Variants in ATG16L2 observed in about 807,000 individuals in gnomAD.
ATG16L2 encodes the protein protein Atg16l2.
In ATG16L2, 77 loss-of-function variants were observed where a neutral mutation model predicts 84.7. The observed-to-expected ratio is 0.91, with a 90% CI of 0.76 to 1.10. The LOEUF is 1.10. Ranked by LOEUF, ATG16L2 falls within the 50% of genes least tolerant of loss-of-function variation. The probability of loss-of-function intolerance (pLI) is 0.00; values close to 1 mark genes in which losing one functional copy is unlikely to be tolerated. For missense variants in ATG16L2, 782 were observed against 817.6 expected, an observed-to-expected ratio of 0.96 and a Z score of 0.53; for synonymous variants, 361 against 342.8, an observed-to-expected ratio of 1.05 and a Z score of -0.59.
Position 72,826,832 on chromosome 11 carries a change from G to GAGCCCC in ATG16L2, c.1366+17_1366+22dup, listed in dbSNP as rs1860391037. The GAGCCCC allele has an allele frequency of 6.2e-7, 1 of 1,611,894 alleles. No homozygotes were observed. The highest frequency in any genetic ancestry group is 8.5e-7 in the Non-Finnish European group (1 of 1,179,358). ...CCTCGGCCGTGCCTATTGTGAGCCC[G>GAGCCCC]AGCCCCAGCCCCACCTCTCCTCCCC... On this transcript the variant is annotated intron_variant, in intron 13 of 17. Coordinates refer to ENST00000321297, the MANE Select transcript of ATG16L2 (RefSeq NM_033388.2).
In ATG16L2 at chr11:72,828,282, G is replaced by A. The variant is rs146056807; in HGVS notation, c.1473-77G>A. On this transcript the variant is annotated intron_variant, in intron 14 of 17. Coordinates refer to ENST00000321297, the MANE Select transcript of ATG16L2 (RefSeq NM_033388.2). ...CCGGACTTGGTTAGCTAGGAAGGCT[G>A]CTGCGCCTGGCCCCTTCCTGTCAGG... The A allele has an allele frequency of 3.8e-4, 592 of 1,550,478 alleles. 5 individuals are homozygous for A. In the East Asian group the frequency reaches 0.011, roughly 29 times the overall value.
chr11:72,829,982 G>A (rs1318535249), downstream of ATG16L2, among the ~76,000 whole-genome samples: 6 of 152,148 alleles, frequency 3.9e-5, no homozygotes, highest in African/African-American at 1.4e-4. Flanking sequence ...GAGGGGTCCC[G>A]GTGGGAAGAT....
chr11:72,814,856 T>C (rs1859613328), intron 1 of ATG16L2, among the ~76,000 whole-genome samples: 1 of 152,220 alleles, frequency 6.6e-6, no homozygotes, highest in Non-Finnish European at 1.5e-5. Flanking sequence ...GTGTTGGTTT[T>C]GCAGGGTCTC....
intron 7 of ATG16L2, chr11:72,823,741 C>T (rs1439580584): frequency 2.0e-6 from 1 of 498,084 alleles, no homozygotes; most frequent in Non-Finnish European, 3.9e-6. Context: ...CCTGGGGGAA[C>T]CTTCAGCGTC....
chr11:72,821,751 G>A lies in ATG16L2; in HGVS notation c.392+10G>A. 6.5e-7 allele frequency: 1 copy of A among 1,534,690 alleles called. No homozygotes were observed. Among genetic ancestry groups the A allele is most frequent in the South Asian group, 1.2e-5 (1 of 83,754 alleles). On this transcript the variant is annotated intron_variant, in intron 4 of 17. Transcript: ENST00000321297. Reference sequence around the variant, plus strand: ...AGCAGAGGCAAAGCAGGTGAGGCGCGGGCGGGGGCGGGAGGGACCGCGCCC... The same window carrying A: ...AGCAGAGGCAAAGCAGGTGAGGCGCAGGCGGGGGCGGGAGGGACCGCGCCC...
intron 3 of ATG16L2, chr11:72,821,200 G>GT: frequency 1.0e-6 from 1 of 987,666 alleles, no homozygotes; most frequent in South Asian, 4.5e-5. Context: ...TCTGTGAAGT[G>GT]AGAGTGGCAG....
At chr11:72,836,854 T>C (rs1381172794) in intron 5 of ATG16L2, 2 of 152,648 alleles carry the variant, frequency 1.3e-5, no homozygotes, top group Admixed American at 1.3e-4. Context: ...AGCCCTGACC[T>C]GTGCACTGTG....
intron 10 of ATG16L2, among the ~76,000 whole-genome samples, chr11:72,825,848 A>G (rs1001092119): frequency 2.6e-5 from 4 of 152,068 alleles, no homozygotes; most frequent in African/African-American, 9.7e-5. Flanking sequence ...GGGGAGTCAG[A>G]GCCGGCTCCT....
At chr11:72,831,761 C>G (rs1362987495), downstream of ATG16L2, among the ~76,000 whole-genome samples, 1 of 152,162 alleles carries the variant, frequency 6.6e-6, no homozygotes, top group Non-Finnish European at 1.5e-5. Flanking sequence ...CTGCCCTGCA[C>G]CCTTTCTGCA....
At chr11:72,843,049 A>G in exon 6 of ATG16L2, 1 of 1,145,426 alleles carries the variant, frequency 8.7e-7, no homozygotes, top group Non-Finnish European at 1.3e-6. Flanking sequence ...ATTATAGGAC[A>G]GGAGGAAAGT....
chr11:72,815,712 C>T (rs1194872183), intron 1 of ATG16L2, among the ~76,000 whole-genome samples: 1 of 152,104 alleles, frequency 6.6e-6, no homozygotes, highest in Non-Finnish European at 1.5e-5. Flanking sequence ...GTGGGGTTTT[C>T]ATGAGAACTA....
Position 72,819,883 on chromosome 11 carries a change from C to T in ATG16L2, c.319-1785C>T, listed in dbSNP as rs955225351. Among the ~76,000 whole-genome samples, 67 of 152,098 alleles carry T rather than the reference C, an allele frequency of 4.4e-4. 1 individual carries two copies. The highest frequency in any genetic ancestry group is 1.5e-3 in the African/African-American group (63 of 41,504). ...GCCTCAGCCTCCCGAGTAGCTGGGA[C>T]TACAGGCGCCCGCCACCATGCCCGG... is the stretch of plus-strand genomic sequence containing the variant. On this transcript the variant is annotated intron_variant, in intron 3 of 17. Transcript: ENST00000321297.
chr11:72,823,070 TGA>T, intron 7 of ATG16L2, 109 bp downstream of exon 7: 1 of 734,966 alleles, frequency 1.4e-6, no homozygotes. Context: ...GGAGGGGGCT[TGA>T]GGAGAGGCCA....
chr11:72,826,684 AC>A lies in ATG16L2; in HGVS notation c.1246-17del. 2 of 1,614,062 alleles carry A rather than the reference AC, an allele frequency of 1.2e-6. No homozygotes were observed. The highest frequency in any genetic ancestry group is 1.7e-6 in the Non-Finnish European group (2 of 1,179,994). On this transcript the variant is annotated intron_variant, in intron 12 of 17. Transcript: ENST00000321297. ...GGTCTTGGCCAAACTCTTGATCCGT[AC>A]CTGGGGCCGGGGTACAGGAGACACT...
At chr11:72,828,679 C>T in intron 15 of ATG16L2, 50 bp from the exon 16 acceptor site, 2 of 1,610,602 alleles carry the variant, frequency 1.2e-6, no homozygotes, top group Non-Finnish European at 1.7e-6. Context: ...CTGCAGAGGG[C>T]AGAGACTAGT....
In ATG16L2 at chr11:72,839,003, C is replaced by G. The variant is rs145036173; in HGVS notation, c.*22-3614C>G. Reference sequence around the variant, plus strand: ...AGGGGTCTCAGAAATGTTGTGAGCACGTGCTTTCAACCTAGTCTTCACTAT... The same window carrying G: ...AGGGGTCTCAGAAATGTTGTGAGCAGGTGCTTTCAACCTAGTCTTCACTAT... On this transcript the variant is annotated intron_variant, in intron 5 of 5. Coordinates refer to the ATG16L2 transcript ENST00000534905. 2,323 of 716,894 alleles carry G rather than the reference C, an allele frequency of 3.2e-3. 5 individuals are homozygous for G. Among genetic ancestry groups the G allele is most frequent in the Non-Finnish European group, 4.5e-3 (1,877 of 418,216 alleles). 44.4% of individuals were successfully genotyped at this position (716,894 alleles called of 1,614,324 possible).
chr11:72,821,630 G>A, intron 3 of ATG16L2, 38 bp from the exon 4 acceptor site: 1 of 1,519,440 alleles, frequency 6.6e-7, no homozygotes, highest in Non-Finnish European at 8.8e-7. Context: ...AGGCCTGGAG[G>A]GGCCTCAGCG....
At chr11:72,820,205 A>C (rs538125151) in intron 3 of ATG16L2, 2 of 152,222 alleles carry the variant, frequency 1.3e-5, no homozygotes, top group Non-Finnish European at 1.5e-5. Context: ...CCTGCTGGCT[A>C]CATCTTACAT....
downstream of ATG16L2, among the ~76,000 whole-genome samples, chr11:72,831,897 G>A (rs758594623): frequency 6.6e-6 from 1 of 152,216 alleles, no homozygotes; most frequent in Admixed American, 6.5e-5. Context: ...TTAAAGCAAC[G>A]TGTTCAGACT....
Sources: gnomAD v4.1 joint callset for allele counts (sites outside exome capture counted in the v4.1 genomes callset) on GRCh38, gnomAD v4.1.1 for gene constraint, MANE v1.5 for transcripts, NCBI Gene and HGNC (gene_info 2026-07-23, HGNC 2026-07-21) for gene names.